The following TAFA2 variants were observed in gnomAD, a reference collection of about 807,000 sequenced individuals.
The protein encoded by TAFA2 is chemokine-like protein TAFA-2.
Under a neutral mutation model 18.8 loss-of-function variants are expected in TAFA2, and 7 were observed. That is an observed-to-expected ratio of 0.37 (90% CI 0.21 to 0.70). TAFA2 has a LOEUF of 0.70. Ranked by LOEUF, TAFA2 falls within the 30% of genes least tolerant of loss-of-function variation. TAFA2 has a pLI of 0.53. For synonymous variants in TAFA2, 60 were observed against 54.2 expected (o/e 1.11, Z -0.47); for missense variants, 122 against 158.1 (o/e 0.77, Z 1.23).
chr12:61,789,231 G>A (rs1025712292), intron 2 of TAFA2, among the ~76,000 whole-genome samples: 1 of 151,824 alleles, frequency 6.6e-6, no homozygotes, highest in Non-Finnish European at 1.5e-5. Flanking sequence ...CCTATGTCCT[G>A]AATGGTATTG....
At chr12:62,003,394 A>G (rs944862852) in intron 1 of TAFA2, among the ~76,000 whole-genome samples, 4 of 152,128 alleles carry the variant, frequency 2.6e-5, no homozygotes, top group African/African-American at 4.8e-5. Context: ...CCTCTATCCC[A>G]TTAGACAAGC....
chr12:62,005,265 G>A (rs1880509307), intron 1 of TAFA2, among the ~76,000 whole-genome samples: 1 of 152,012 alleles, frequency 6.6e-6, no homozygotes, highest in Admixed American at 6.6e-5. Flanking sequence ...TACTATGTAT[G>A]TGTATATCAA....
At chr12:61,932,465 A>C (rs1165767248) in intron 1 of TAFA2, among the ~76,000 whole-genome samples, 2 of 152,126 alleles carry the variant, frequency 1.3e-5, no homozygotes, top group Non-Finnish European at 2.9e-5. Flanking sequence ...CTCTCTGCAG[A>C]GTTTTGCTGT....
At chr12:61,887,131 G>T (rs1272624364) in intron 1 of TAFA2, among the ~76,000 whole-genome samples, 1 of 152,148 alleles carries the variant, frequency 6.6e-6, no homozygotes, top group Non-Finnish European at 1.5e-5. Context: ...AAGAATCACA[G>T]AGAAGACCAA....
intron 1 of TAFA2, chr12:61,879,261 C>A: frequency 2.4e-6 from 1 of 414,558 alleles, no homozygotes; most frequent in Non-Finnish European, 4.3e-6. Flanking sequence ...AGCTTCTCCA[C>A]TCCTTCTCGA....
chr12:62,138,398 G>T (rs1309311896), intron 1 of TAFA2, among the ~76,000 whole-genome samples: 1 of 151,912 alleles, frequency 6.6e-6, no homozygotes, highest in Non-Finnish European at 1.5e-5. Flanking sequence ...ACCTTTAATA[G>T]CACTCATATG....
intron 1 of TAFA2, among the ~76,000 whole-genome samples, chr12:62,037,196 C>G (rs999686340): frequency 6.6e-6 from 1 of 152,194 alleles, no homozygotes; most frequent in Non-Finnish European, 1.5e-5. Context: ...CTTACTTGTT[C>G]CTAAGTGTGG....
At position 62,062,478 on chromosome 12, in the gene TAFA2, G is replaced by A. The variant is rs150405137; in HGVS notation, c.-2+128781C>T. ...TACTCATTGAGTCAGTAGTACAGACGCCAAGCCACCTTGGCCTCTTTCCAC... is the reference window on the plus strand; with the variant it reads ...TACTCATTGAGTCAGTAGTACAGACACCAAGCCACCTTGGCCTCTTTCCAC... On this transcript the variant is annotated intron_variant, in intron 1 of 4. Coordinates refer to ENST00000416284, the MANE Select transcript of TAFA2 (RefSeq NM_178539.5). Among the ~76,000 whole-genome samples, 528 of 152,148 alleles carry A rather than the reference G, an allele frequency of 3.5e-3. 3 individuals are homozygous for A. The highest frequency in any genetic ancestry group is 0.012 in the African/African-American group (507 of 41,504).
At chr12:61,734,713 T>A (rs1868276108) in intron 4 of TAFA2, among the ~76,000 whole-genome samples, 1 of 152,014 alleles carries the variant, frequency 6.6e-6, no homozygotes, top group African/African-American at 2.4e-5. Context: ...TTGATCCCAG[T>A]TCCACTGCTT....
At chr12:61,843,556 T>C (rs1334193080) in intron 2 of TAFA2, among the ~76,000 whole-genome samples, 1 of 152,038 alleles carries the variant, frequency 6.6e-6, no homozygotes, top group Non-Finnish European at 1.5e-5. Flanking sequence ...GAGTTGGGGA[T>C]GTGAAGCCTG....
intron 1 of TAFA2, among the ~76,000 whole-genome samples, chr12:62,234,197 G>A (rs80088348): frequency 0.02 from 2,991 of 152,292 alleles, 47 homozygotes; most frequent in Non-Finnish European, 0.033. Context: ...TCCTTGAGAA[G>A]TCTTTCTTCC....
chr12:62,063,881 CACAT>C (rs1033324629), intron 1 of TAFA2, among the ~76,000 whole-genome samples: 7 of 151,370 alleles, frequency 4.6e-5, no homozygotes, highest in African/African-American at 1.7e-4. Context: ...CACACACACA[CACAT>C]GCATACACAC....
intron 1 of TAFA2, among the ~76,000 whole-genome samples, chr12:61,940,293 T>A (rs1477670269): frequency 1.3e-5 from 2 of 152,194 alleles, no homozygotes; most frequent in African/African-American, 2.4e-5. Flanking sequence ...CTTAATAGTT[T>A]GTGAACAAGG....
rs376779722 is a variant in TAFA2 at position 62,208,327 on chromosome 12, GA to G, written c.-130+50435del. Among the ~76,000 whole-genome samples the G allele has an allele frequency of 2.0e-3, 296 of 147,170 alleles. 2 individuals carry two copies. Among genetic ancestry groups the G allele is most frequent in the African/African-American group, 6.8e-3 (274 of 40,252 alleles). On this transcript the variant is annotated intron_variant, in intron 1 of 5. Transcript: ENST00000551619. ...GGCCTAAGACATTCAGGCAATAGGA[GA>G]AAAAAAAAAGCTGTTTCTTAATTGA...
intron 1 of TAFA2, among the ~76,000 whole-genome samples, chr12:62,141,931 T>C (rs567949700): frequency 1.7e-4 from 26 of 152,328 alleles, no homozygotes; most frequent in Admixed American, 1.5e-3. Flanking sequence ...TGGAAATGCA[T>C]TGAAACTGTC....
At chr12:62,075,319 T>C (rs538259929) in intron 1 of TAFA2, among the ~76,000 whole-genome samples, 2 of 152,330 alleles carry the variant, frequency 1.3e-5, no homozygotes, top group South Asian at 2.1e-4. Flanking sequence ...ATTCTTCTGA[T>C]AGTAATTAAT....
At position 61,754,981 on chromosome 12, in the gene TAFA2, G is replaced by C; in HGVS notation, c.150C>G (p.His50Gln). The C allele has an allele frequency of 6.2e-7, 1 of 1,612,966 alleles. No individual in the cohort carries two copies. Among genetic ancestry groups the C allele is most frequent in the Non-Finnish European group, 8.5e-7 (1 of 1,179,390 alleles). ...CTATCTTGTTCTTATTACAGCATCTGTGGAGTGCCACCACCTCACAAGTTC... is the reference window on the plus strand; with the variant it reads ...CTATCTTGTTCTTATTACAGCATCTCTGGAGTGCCACCACCTCACAAGTTC... ...KTGTCEVVAL[H>Q]RCCNKNKIEE... The change falls in exon 3 of 5, where the codon CAC becomes CAG. Residue 50 changes from histidine to glutamine, a missense_variant. Physicochemically the swap from His to Gln is conservative, Grantham distance 24. Around this residue, in one of 2 missense-constraint regions of TAFA2, gnomAD observed 60 missense variants for 102.7 expected, o/e 0.58. Coordinates refer to ENST00000416284, the MANE Select transcript of TAFA2 (RefSeq NM_178539.5).
At chr12:61,866,816 A>G (rs939547530) in intron 2 of TAFA2, among the ~76,000 whole-genome samples, 11 of 152,338 alleles carry the variant, frequency 7.2e-5, no homozygotes, top group African/African-American at 2.4e-4. Context: ...GATACATATC[A>G]TTACAGACAC....
intron 2 of TAFA2, among the ~76,000 whole-genome samples, chr12:61,841,790 T>G (rs572044299): frequency 1.3e-5 from 2 of 152,124 alleles, no homozygotes; most frequent in African/African-American, 2.4e-5. Flanking sequence ...GTGAATAATA[T>G]GCTGAAAACC....
Sources: allele counts gnomAD v4.1 joint callset (sites outside exome capture counted in the v4.1 genomes callset), GRCh38; gene constraint gnomAD v4.1.1; regional missense constraint gnomAD v4.1.1; transcripts MANE v1.5; gene names NCBI Gene and HGNC (gene_info 2026-07-23, HGNC 2026-07-21).